Variants in LRRTM4 observed in about 807,000 individuals in gnomAD.
LRRTM4 encodes leucine-rich repeat transmembrane neuronal protein 4.
LRRTM4 carries 25 observed loss-of-function variants against 47.6 expected under a neutral mutation model. The observed-to-expected ratio is 0.53, with a 90% CI of 0.38 to 0.73. LRRTM4 has a LOEUF of 0.73. LRRTM4 is among the 30% of genes least tolerant of loss of function. The pLI is 0.00. For synonymous variants in LRRTM4, 311 were observed against 269.5 expected (o/e 1.15, Z -1.51); for missense variants, 638 against 713.4 (o/e 0.89, Z 1.20).
intron 3 of LRRTM4, among the ~76,000 whole-genome samples, chr2:77,028,251 A>G (rs981618471): frequency 6.6e-6 from 1 of 152,188 alleles, no homozygotes; most frequent in Non-Finnish European, 1.5e-5. Context: ...TGAAAGGTAC[A>G]TAGATTAGGA....
chr2:77,095,601 G>T (rs1010707745), intron 3 of LRRTM4, among the ~76,000 whole-genome samples: 3 of 151,472 alleles, frequency 2.0e-5, no homozygotes, highest in African/African-American at 7.3e-5. Flanking sequence ...CCCCTCCCCG[G>T]TTCAAATGAT....
intron 3 of LRRTM4, among the ~76,000 whole-genome samples, chr2:77,192,151 C>T (rs1391504424): frequency 6.6e-6 from 1 of 151,976 alleles, no homozygotes; most frequent in East Asian, 1.9e-4. Context: ...GGTTGCCATG[C>T]TTGTGAGAAT....
chr2:77,412,981 T>C (rs1329395431), intron 3 of LRRTM4, among the ~76,000 whole-genome samples: 1 of 152,176 alleles, frequency 6.6e-6, no homozygotes, highest in African/African-American at 2.4e-5. Context: ...TTAAAAAGCA[T>C]TTTTGTGTAC....
At chr2:76,807,469 T>TATATATATAC (rs1361757832) in intron 3 of LRRTM4, among the ~76,000 whole-genome samples, 2 of 69,916 alleles carry the variant, frequency 2.9e-5, no homozygotes, top group Non-Finnish European at 4.9e-5. Context: ...CATATATATA[T>TATATATATAC]ACATATATAT....
intron 3 of LRRTM4, among the ~76,000 whole-genome samples, chr2:76,803,042 A>C (rs1305776625): frequency 6.6e-6 from 1 of 152,164 alleles, no homozygotes; most frequent in Non-Finnish European, 1.5e-5. Flanking sequence ...GGTCTGGGTA[A>C]TGATTTATTT....
At chr2:77,108,535 T>G (rs1159448621) in intron 3 of LRRTM4, among the ~76,000 whole-genome samples, 1 of 151,928 alleles carries the variant, frequency 6.6e-6, no homozygotes, top group African/African-American at 2.4e-5. Flanking sequence ...TTGTGTTCTA[T>G]TTTAAGAAAT....
chr2:77,231,644 A>T (rs1435379702), intron 3 of LRRTM4, among the ~76,000 whole-genome samples: 2 of 152,164 alleles, frequency 1.3e-5, no homozygotes, highest in South Asian at 4.1e-4. Context: ...TCATTCTTTT[A>T]TTCATTTAGT....
intron 3 of LRRTM4, among the ~76,000 whole-genome samples, chr2:76,791,744 T>C (rs1674984463): frequency 6.6e-6 from 1 of 152,208 alleles, no homozygotes; most frequent in African/African-American, 2.4e-5. Context: ...TAGAACTACA[T>C]TCTACAGATA....
chr2:77,466,529 T>C (rs1676987927), intron 3 of LRRTM4, among the ~76,000 whole-genome samples: 2 of 152,136 alleles, frequency 1.3e-5, no homozygotes, highest in Admixed American at 6.6e-5. Context: ...ACATCTATTT[T>C]ATATTATTAG....
intron 3 of LRRTM4, among the ~76,000 whole-genome samples, chr2:77,487,426 G>A (rs929889624): frequency 6.6e-6 from 1 of 152,212 alleles, no homozygotes; most frequent in African/African-American, 2.4e-5. Flanking sequence ...TGTACGCTTG[G>A]TGTGGTGCTG....
At chr2:76,798,981 T>G (rs1675512282) in intron 3 of LRRTM4, among the ~76,000 whole-genome samples, 2 of 149,608 alleles carry the variant, frequency 1.3e-5, no homozygotes, top group African/African-American at 2.5e-5. Context: ...CCAAAAAGAG[T>G]CCAGGACCAG....
intron 3 of LRRTM4, among the ~76,000 whole-genome samples, chr2:77,356,439 A>G (rs1671971367): frequency 6.6e-6 from 1 of 152,140 alleles, no homozygotes; most frequent in South Asian, 2.1e-4. Context: ...GAGCTTCAAA[A>G]CTCACTCTGA....
chr2:77,347,685 T>C (rs1345325662), intron 3 of LRRTM4, among the ~76,000 whole-genome samples: 3 of 152,136 alleles, frequency 2.0e-5, no homozygotes, highest in Admixed American at 2.0e-4. Context: ...TCATTTTTCA[T>C]ATTCAAATTC....
In LRRTM4 at chr2:77,506,680, G is replaced by A. The variant is rs186606527; in HGVS notation, c.1551+11638C>T. On this transcript the variant is annotated intron_variant, in intron 3 of 3. Transcript: ENST00000409884. ...ATATATTTTTGAGAGAGCAATTTTG[G>A]CAATGTGTTAAGTAGATTACATTTT... 3.2e-3 allele frequency among the ~76,000 whole-genome samples: 493 copies of A among 151,894 alleles called. 1 individual carries two copies. The highest frequency in any genetic ancestry group is 0.011 in the African/African-American group (458 of 41,530).
At chr2:77,453,176 ATTTT>A (rs1162461607) in intron 3 of LRRTM4, among the ~76,000 whole-genome samples, 8 of 99,534 alleles carry the variant, frequency 8.0e-5, no homozygotes, top group African/African-American at 2.7e-4. Flanking sequence ...TTTCTTCTTG[ATTTT>A]TTTTTTTTTT....
chr2:77,370,474 G>A (rs1672618525), intron 3 of LRRTM4, among the ~76,000 whole-genome samples: 1 of 151,454 alleles, frequency 6.6e-6, no homozygotes, highest in African/African-American at 2.4e-5. Flanking sequence ...ATAGAGCATT[G>A]TTTCATTTCT....
intron 3 of LRRTM4, among the ~76,000 whole-genome samples, chr2:77,084,959 T>C (rs1254869069): frequency 6.6e-6 from 1 of 152,190 alleles, no homozygotes; most frequent in Non-Finnish European, 1.5e-5. Flanking sequence ...AAAAATCTAT[T>C]GTAAATTCAA....
At chr2:76,879,665 G>C (rs1463144021) in intron 3 of LRRTM4, among the ~76,000 whole-genome samples, 3 of 152,130 alleles carry the variant, frequency 2.0e-5, no homozygotes, top group South Asian at 4.1e-4. Flanking sequence ...TTTGATTTGA[G>C]AACATACTGC....
At chr2:77,120,044 G>A (rs1199891433) in intron 3 of LRRTM4, among the ~76,000 whole-genome samples, 1 of 151,836 alleles carries the variant, frequency 6.6e-6, no homozygotes, top group Non-Finnish European at 1.5e-5. Flanking sequence ...TAGCTTTCAT[G>A]TAGTGACTCA....
Sources: allele counts gnomAD v4.1 joint callset (sites outside exome capture counted in the v4.1 genomes callset), GRCh38; gene constraint gnomAD v4.1.1; transcripts MANE v1.5; gene names NCBI Gene and HGNC (gene_info 2026-07-23, HGNC 2026-07-21).